PRKAG2: variants seen among roughly 807,000 people sequenced by gnomAD.
The protein encoded by PRKAG2 is protein kinase AMP-activated non-catalytic subunit gamma 2, also known as 5'-AMP-activated protein kinase subunit gamma-2.
PRKAG2 carries 26 observed loss-of-function variants against 69.6 expected under a neutral mutation model. That is an observed-to-expected ratio of 0.37 (90% confidence interval 0.27 to 0.52). The LOEUF is 0.52. Among genes scored for constraint, PRKAG2 ranks in the 20% least tolerant of loss-of-function variants. PRKAG2 has a pLI of 0.90. For missense variants in PRKAG2, 557 were observed against 740.0 expected (o/e 0.75, Z 2.87); for synonymous variants, 293 against 285.0 (o/e 1.03, Z -0.28).
At chr7:151,746,681 T>A (rs1336673936) in intron 3 of PRKAG2, among the ~76,000 whole-genome samples, 1 of 152,214 alleles carries the variant, frequency 6.6e-6, no homozygotes, top group Non-Finnish European at 1.5e-5. Flanking sequence ...GGGTGAGGAC[T>A]GAAGGCCGCC....
At chr7:151,738,482 T>C (rs527688648) in intron 3 of PRKAG2, among the ~76,000 whole-genome samples, 3 of 152,396 alleles carry the variant, frequency 2.0e-5, no homozygotes, top group African/African-American at 7.2e-5. Flanking sequence ...ATGTTCATAA[T>C]GGCCCTAACG....
At chr7:151,696,261 G>A (rs576547369) in intron 3 of PRKAG2, among the ~76,000 whole-genome samples, 19 of 152,330 alleles carry the variant, frequency 1.2e-4, no homozygotes, top group African/African-American at 3.8e-4. Context: ...AGAGGAAAAC[G>A]TGGCGCGCCC....
intron 5 of PRKAG2, among the ~76,000 whole-genome samples, chr7:151,604,030 T>C (rs1387000283): frequency 6.6e-6 from 1 of 152,200 alleles, no homozygotes; most frequent in Admixed American, 6.5e-5. Flanking sequence ...GCTGATGGAC[T>C]GGTGGGTGGC....
At chr7:151,652,519 CTTTT>C (rs148797393) in intron 4 of PRKAG2, among the ~76,000 whole-genome samples, 41 of 152,008 alleles carry the variant, frequency 2.7e-4, no homozygotes, top group African/African-American at 9.4e-4. Flanking sequence ...AATTCTTTTT[CTTTT>C]TTCTTTTCTT....
In PRKAG2 at chr7:151,619,384, T is replaced by C. The variant is rs923960174; in HGVS notation, c.754+12685A>G. On this transcript the variant is annotated intron_variant, in intron 5 of 15. Coordinates refer to ENST00000287878, the MANE Select transcript of PRKAG2 (RefSeq NM_016203.4). ...TCCAAAAACGTAAAATCCCAAATGC[T>C]CCAAAATGCAAAACTTTCCGAGTGC... Among the ~76,000 whole-genome samples, 28 of 151,978 alleles carry C rather than the reference T, an allele frequency of 1.8e-4. 2 individuals carry two copies. The highest frequency in any genetic ancestry group is 5.9e-5 in the Non-Finnish European group (4 of 68,008).
intron 1 of PRKAG2, among the ~76,000 whole-genome samples, chr7:151,870,165 G>A (rs879682309): frequency 0.13 from 14,207 of 112,996 alleles, 797 homozygotes; most frequent in East Asian, 0.13. Context: ...AGGCAGGCAG[G>A]CAGGCAGGCA....
intron 3 of PRKAG2, chr7:151,735,985 G>A: frequency 6.5e-7 from 1 of 1,536,318 alleles, no homozygotes; most frequent in Non-Finnish European, 8.7e-7. Context: ...GGCTCCCAAA[G>A]CGCTTCATGG....
At position 151,794,757 on chromosome 7, in the gene PRKAG2, C is replaced by T. The variant is rs528692275; in HGVS notation, c.115-8216G>A. 2.0e-5 allele frequency among the ~76,000 whole-genome samples: 3 copies of T among 152,374 alleles called. No individual in the cohort carries two copies. The East Asian group carries it at 5.8e-4, about 29-fold the overall frequency. ...TCCCAAGGTGAAAGCCAAGATGATTCATGACTTGTGCACGGCAGTTCTAAA... is the reference window on the plus strand; with the variant it reads ...TCCCAAGGTGAAAGCCAAGATGATTTATGACTTGTGCACGGCAGTTCTAAA... On this transcript the variant is annotated intron_variant, in intron 1 of 15. Transcript: ENST00000287878.
intron 1 of PRKAG2, chr7:151,806,830 G>A (rs2078126350): frequency 3.8e-5 from 14 of 372,966 alleles, no homozygotes; most frequent in South Asian, 2.7e-4. Flanking sequence ...AGCTGGGCGT[G>A]TTGGTGCATG....
Position 151,632,121 on chromosome 7 carries a change from GGCCGCCGCCAGC to G in PRKAG2, c.690_701del (p.Ala232_Leu235del), listed in dbSNP as rs1385091592. 2.8e-6 allele frequency: 4 copies of G among 1,409,108 alleles called. No individual in the cohort carries two copies. Among genetic ancestry groups the G allele is most frequent in the South Asian group, 1.4e-5 (1 of 71,888 alleles). 87.3% of individuals were successfully genotyped at this position (1,409,108 alleles called of 1,614,324 possible). A position where few individuals can be genotyped will look rare whatever the true frequency, so the allele number is the denominator to read the frequency against. On this transcript the variant is annotated inframe_deletion, in exon 5 of 16. Transcript: ENST00000287878. This position sits in a 1 kb window ranked among gnomAD's most constrained non-coding sequence, Gnocchi z 4.2. The stretch of plus-strand genomic sequence containing the variant: ...GCATGCCGGCTTCCGCGGGTCCCAG[GGCCGCCGCCAGC>G]GCCGCCTGAGGGGGAGGAGGAGGAC...
At chr7:151,691,434 A>G (rs1483812138) in intron 3 of PRKAG2, among the ~76,000 whole-genome samples, 3 of 152,024 alleles carry the variant, frequency 2.0e-5, no homozygotes, top group Admixed American at 1.3e-4. Context: ...GTAGCAGAGT[A>G]TATAAAGAAC....
chr7:151,641,328 A>G (rs1037771129), intron 4 of PRKAG2, among the ~76,000 whole-genome samples: 2 of 145,356 alleles, frequency 1.4e-5, no homozygotes, highest in Non-Finnish European at 3.0e-5. Context: ...GCTCACTGCA[A>G]TCTCCACCTC....
chr7:151,700,707 GC>G (rs1451177713), intron 3 of PRKAG2, among the ~76,000 whole-genome samples: 1 of 152,086 alleles, frequency 6.6e-6, no homozygotes, highest in Non-Finnish European at 1.5e-5. Context: ...GGCTATCTCC[GC>G]CACGCGTCCC....
chr7:151,645,197 T>TCTA (rs1327386554), intron 4 of PRKAG2, among the ~76,000 whole-genome samples: 5 of 152,200 alleles, frequency 3.3e-5, no homozygotes, highest in African/African-American at 9.7e-5. Context: ...ACCACTTCCA[T>TCTA]TATTAAGCTT....
chr7:151,597,666 A>G lies in PRKAG2; in HGVS notation c.755-2212T>C, dbSNP rs1814887392. ...CAAAGAAGACATACAAATGGCCAAC[A>G]GGTATATGAAAAAATGTCCACCATC... On this transcript the variant is annotated intron_variant, in intron 5 of 15. Transcript: ENST00000287878. Among the ~76,000 whole-genome samples the G allele has an allele frequency of 2.0e-5, 3 of 152,346 alleles. No homozygotes were observed. The South Asian group carries it at 6.2e-4, about 32-fold the overall frequency.
At chr7:151,640,399 T>C (rs952939442) in intron 4 of PRKAG2, among the ~76,000 whole-genome samples, 1 of 152,098 alleles carries the variant, frequency 6.6e-6, no homozygotes, top group African/African-American at 2.4e-5. Flanking sequence ...CTTGGCAAAC[T>C]CCTGAGCTGG....
At position 151,847,301 on chromosome 7, in the gene PRKAG2, G is replaced by C. The variant is rs1383125424; in HGVS notation, c.114+29206C>G. ...GGCCAAGCATCCAAAGGGAGCCCCT[G>C]AGCTGCCGGTAATTTTCCTCTGGCC... On this transcript the variant is annotated intron_variant, in intron 1 of 15. Coordinates refer to ENST00000287878, the MANE Select transcript of PRKAG2 (RefSeq NM_016203.4). Among the ~76,000 whole-genome samples, 3 of 152,208 alleles carry C rather than the reference G, an allele frequency of 2.0e-5. 1 individual carries two copies. The highest frequency in any genetic ancestry group is 4.8e-5 in the African/African-American group (2 of 41,452).
chr7:151,618,639 C>T (rs571110419), intron 5 of PRKAG2, among the ~76,000 whole-genome samples: 95 of 152,098 alleles, frequency 6.2e-4, no homozygotes, highest in African/African-American at 2.1e-3. Flanking sequence ...GTGGTGGGCA[C>T]CTGTAATCCC....
rs564244150 is a variant in PRKAG2 at position 151,583,451 on chromosome 7, C to T, written c.865-6999G>A. Among the ~76,000 whole-genome samples, 105 of 152,278 alleles carry T rather than the reference C, an allele frequency of 6.9e-4. No individual in the cohort carries two copies. The highest frequency in any genetic ancestry group is 2.4e-3 in the African/African-American group (98 of 41,564). ...TAAAGAGCAGTGTCCTGGGTGAGCTCGGGAGGGGCCTGACGCTTCTGTGGT... is the reference window on the plus strand; with the variant it reads ...TAAAGAGCAGTGTCCTGGGTGAGCTTGGGAGGGGCCTGACGCTTCTGTGGT... On this transcript the variant is annotated intron_variant, in intron 6 of 15. Transcript: ENST00000287878. The surrounding 1 kb of genome is among the most constrained non-coding windows in gnomAD (Gnocchi z 4.1).
Sources: allele counts gnomAD v4.1 joint callset (sites outside exome capture counted in the v4.1 genomes callset), GRCh38; gene constraint gnomAD v4.1.1; non-coding constraint Gnocchi (gnomAD v3.1); transcripts MANE v1.5; gene names NCBI Gene and HGNC (gene_info 2026-07-23, HGNC 2026-07-21).